Variants in CDH2 observed in about 807,000 individuals in gnomAD.
CDH2 encodes the protein cadherin 2, also known as cadherin-2.
Under a neutral mutation model 92.0 loss-of-function variants are expected in CDH2, and 17 were observed. That is an observed-to-expected ratio of 0.18 (90% CI 0.13 to 0.28). CDH2 has a LOEUF of 0.28. Among genes scored for constraint, CDH2 ranks in the 10% least tolerant of loss-of-function variants. CDH2 has a pLI of 1.00. For missense variants in CDH2, 862 were observed against 1,133.1 expected (o/e 0.76, Z 3.44); for synonymous variants, 419 against 415.9 (o/e 1.01, Z -0.09).
At chr18:28,036,658 G>A (rs1056994822) in intron 2 of CDH2, 11 of 757,738 alleles carry the variant, frequency 1.5e-5, no homozygotes, top group African/African-American at 8.7e-5. Context: ...CGGAAATGCC[G>A]ATGCAGCTTT....
chr18:27,963,559 G>A (rs1418184570), intron 14 of CDH2, 38 bp from the exon 15 acceptor site: 2 of 1,592,208 alleles, frequency 1.3e-6, no homozygotes, highest in East Asian at 2.2e-5. Flanking sequence ...TGGGAGATGG[G>A]CACAAAGATA....
chr18:28,110,053 G>GT (rs2015386128), intron 2 of CDH2, among the ~76,000 whole-genome samples: 1 of 152,106 alleles, frequency 6.6e-6, no homozygotes, highest in Non-Finnish European at 1.5e-5. Context: ...CTTTTCTGAG[G>GT]TAAGAGGCAA....
intron 14 of CDH2, among the ~76,000 whole-genome samples, chr18:27,979,421 C>T (rs887262185): frequency 5.3e-5 from 8 of 152,272 alleles, no homozygotes; most frequent in Admixed American, 2.6e-4. Flanking sequence ...CTTTGGAAAA[C>T]GTACAGGACT....
intron 2 of CDH2, among the ~76,000 whole-genome samples, chr18:28,136,338 T>G (rs2015861243): frequency 6.6e-6 from 1 of 151,650 alleles, no homozygotes; most frequent in Admixed American, 6.6e-5. Context: ...CTTTCAGGTC[T>G]AGGAATGAAC....
intron 2 of CDH2, among the ~76,000 whole-genome samples, chr18:28,129,457 C>T (rs951389467): frequency 8.5e-5 from 13 of 152,256 alleles, no homozygotes; most frequent in Non-Finnish European, 1.8e-4. Flanking sequence ...TTAATGAAAG[C>T]CCAGCTTACG....
chr18:28,051,136 G>A (rs1206262721), intron 2 of CDH2, among the ~76,000 whole-genome samples: 2 of 152,120 alleles, frequency 1.3e-5, no homozygotes, highest in Admixed American at 6.6e-5. Context: ...AGATACTGAT[G>A]AAGAGATTAA....
chr18:28,158,547 G>T (rs2016256547), intron 1 of CDH2, among the ~76,000 whole-genome samples: 1 of 152,146 alleles, frequency 6.6e-6, no homozygotes, highest in African/African-American at 2.4e-5. Flanking sequence ...AAGGCACTCT[G>T]CTAACTCTCA....
chr18:28,003,216 G>A (rs1221577228), intron 6 of CDH2, 47 bp from the exon 7 acceptor site: 1 of 1,442,916 alleles, frequency 6.9e-7, no homozygotes. Flanking sequence ...TTCATTCCAG[G>A]GACCCCAAAA....
chr18:27,953,032 G>GAA (rs973973134), intron 15 of CDH2, among the ~76,000 whole-genome samples: 1 of 152,144 alleles, frequency 6.6e-6, no homozygotes, highest in African/African-American at 2.4e-5. Context: ...GAGGTACTCA[G>GAA]AAAATCATTT....
At chr18:28,175,673 G>T (rs971257174) in intron 1 of CDH2, among the ~76,000 whole-genome samples, 2 of 152,110 alleles carry the variant, frequency 1.3e-5, no homozygotes, top group Non-Finnish European at 2.9e-5. Flanking sequence ...TGAAGACCAC[G>T]GAGCGGGGTA....
At chr18:27,986,679 C>T (rs1229311618) in intron 11 of CDH2, among the ~76,000 whole-genome samples, 1 of 152,140 alleles carries the variant, frequency 6.6e-6, no homozygotes, top group Non-Finnish European at 1.5e-5. Flanking sequence ...GGTGCACATA[C>T]ATACACAATC....
chr18:27,993,821 T>C (rs1344465875), intron 7 of CDH2, among the ~76,000 whole-genome samples, 184 bp from the exon 8 acceptor site: 1 of 152,194 alleles, frequency 6.6e-6, no homozygotes, highest in Non-Finnish European at 1.5e-5. Context: ...GGTCCTTGTC[T>C]AGAGAGATTT....
intron 2 of CDH2, among the ~76,000 whole-genome samples, chr18:28,110,162 T>C (rs950143699): frequency 2.0e-5 from 3 of 152,214 alleles, no homozygotes; most frequent in African/African-American, 7.2e-5. Flanking sequence ...GCTGTACTAA[T>C]TACATACAGG....
chr18:28,085,573 T>G (rs2014911254), intron 2 of CDH2, among the ~76,000 whole-genome samples: 1 of 152,186 alleles, frequency 6.6e-6, no homozygotes, highest in African/African-American at 2.4e-5. Flanking sequence ...CACTGTTGAC[T>G]GCTACATCTG....
At chr18:28,132,133 T>G (rs1336699317) in intron 2 of CDH2, among the ~76,000 whole-genome samples, 1 of 152,216 alleles carries the variant, frequency 6.6e-6, no homozygotes, top group Non-Finnish European at 1.5e-5. Flanking sequence ...GCCTTCGCCA[T>G]GTACACCAGC....
chr18:27,995,419 G>A (rs1310189455), intron 7 of CDH2, among the ~76,000 whole-genome samples: 6 of 151,778 alleles, frequency 4.0e-5, no homozygotes, highest in African/African-American at 1.5e-4. Context: ...TTCATGGTTA[G>A]TGAGAGAATT....
In CDH2 at chr18:28,164,689, C is replaced by T. The variant is rs139225328; in HGVS notation, c.60+12274G>A. 7.1e-4 allele frequency among the ~76,000 whole-genome samples: 108 copies of T among 152,242 alleles called. 1 individual carries two copies. In the Middle Eastern group the frequency reaches 0.014, roughly 19 times the overall value. ...AGACACACACACACACATACTCCCACATGTGCACACACATGGGTCCTTACT... is the reference window on the plus strand; with the variant it reads ...AGACACACACACACACATACTCCCATATGTGCACACACATGGGTCCTTACT... On this transcript the variant is annotated intron_variant, in intron 1 of 15. Coordinates refer to ENST00000269141, the MANE Select transcript of CDH2 (RefSeq NM_001792.5).
At chr18:28,084,283 ACT>A (rs2014885919) in intron 2 of CDH2, among the ~76,000 whole-genome samples, 1 of 152,118 alleles carries the variant, frequency 6.6e-6, no homozygotes, top group African/African-American at 2.4e-5. Context: ...ATGTCACTGA[ACT>A]CTAACACAGC....
In CDH2 at chr18:27,985,670, C is replaced by A; in HGVS notation, c.1833G>T (p.Glu611Asp). 1.9e-6 allele frequency: 3 copies of A among 1,613,840 alleles called. No individual in the cohort carries two copies. Among genetic ancestry groups the A allele is most frequent in the Non-Finnish European group, 2.5e-6 (3 of 1,179,756 alleles). ...AATTGGGGTCTGGAGTTTCGCAAGT[C>A]TCTGCCTCTTGAGGTAACACTTGAG... ...NAPQVLPQEA[E>D]TCETPDPNSI... Residue 611 changes from glutamate (E) to aspartate (D), a missense_variant, in exon 12 of 16, where the codon GAG becomes GAT. Physicochemically the swap from Glu to Asp is conservative, Grantham distance 45. This residue lies in a region of CDH2 where 564 missense variants were observed against 722.2 expected (regional missense o/e 0.78). Transcript: ENST00000269141.
Sources: allele counts gnomAD v4.1 joint callset (sites outside exome capture counted in the v4.1 genomes callset), GRCh38; gene constraint gnomAD v4.1.1; regional missense constraint gnomAD v4.1.1; transcripts MANE v1.5; gene names NCBI Gene and HGNC (gene_info 2026-07-23, HGNC 2026-07-21).